KIAA1958: variants seen among roughly 807,000 people sequenced by gnomAD.
KIAA1958 encodes the protein KIAA1958, also known as uncharacterized protein KIAA1958.
Under a neutral mutation model 47.2 loss-of-function variants are expected in KIAA1958, and 14 were observed. The observed-to-expected ratio is 0.30, with a 90% CI of 0.20 to 0.46. The LOEUF is 0.46. Ranked by LOEUF, KIAA1958 falls within the 20% of genes least tolerant of loss-of-function variation. KIAA1958 has a pLI of 1.00. For missense variants in KIAA1958, 803 were observed against 909.2 expected (o/e 0.88, Z 1.50); for synonymous variants, 354 against 353.3 (o/e 1.00, Z -0.02).
intron 1 of KIAA1958, among the ~76,000 whole-genome samples, chr9:112,491,787 C>T (rs976694979): frequency 2.0e-5 from 3 of 152,026 alleles, no homozygotes; most frequent in Non-Finnish European, 2.9e-5. Context: ...TTAGATGATT[C>T]ATTTACTCTT....
At chr9:112,638,418 C>A (rs146775572) in intron 2 of KIAA1958, among the ~76,000 whole-genome samples, 1,787 of 152,038 alleles carry the variant, frequency 0.012, 29 homozygotes, top group African/African-American at 0.041. Flanking sequence ...AGGAAGATCT[C>A]TTGAACCCAG....
At position 112,574,932 on chromosome 9, in the gene KIAA1958, T is replaced by C; in HGVS notation, c.852T>C (p.Thr284=). Residue 284 remains threonine (T), a synonymous_variant, in exon 2 of 4, where the codon ACT becomes ACC. Transcript: ENST00000337530. ...TCTCCAGACCAATTGTCCAGAAGACTGCTAGGGTATCTCTGGCTTCACCAA... is the reference window on the plus strand; with the variant it reads ...TCTCCAGACCAATTGTCCAGAAGACCGCTAGGGTATCTCTGGCTTCACCAA... The part of the protein sequence containing the change: ...SVISRPIVQK[T]ARVSLASPNR... 2 of 1,614,064 alleles carry C rather than the reference T, an allele frequency of 1.2e-6. No individual in the cohort carries two copies. Among genetic ancestry groups the C allele is most frequent in the Non-Finnish European group, 1.7e-6 (2 of 1,179,988 alleles).
intron 1 of KIAA1958, among the ~76,000 whole-genome samples, chr9:112,536,542 A>G (rs1834858272): frequency 2.0e-5 from 3 of 152,216 alleles, no homozygotes; most frequent in Admixed American, 2.0e-4. Flanking sequence ...CCAATAGTAC[A>G]GAAAGTCCAG....
chr9:112,652,155 C>T (rs10759580), intron 3 of KIAA1958, among the ~76,000 whole-genome samples: 27,496 of 151,988 alleles, frequency 0.18, 2,850 homozygotes, highest in East Asian at 0.4. Context: ...AGTGAGCCAC[C>T]GTGCCCAGCC....
chr9:112,521,736 A>T (rs950060936), intron 1 of KIAA1958, among the ~76,000 whole-genome samples: 43 of 152,222 alleles, frequency 2.8e-4, no homozygotes, highest in African/African-American at 8.7e-4. Flanking sequence ...GAAAAAATAC[A>T]TATTCAGGTT....
intron 2 of KIAA1958, among the ~76,000 whole-genome samples, chr9:112,619,534 T>C (rs1281659408): frequency 6.6e-6 from 1 of 152,300 alleles, no homozygotes; most frequent in East Asian, 1.9e-4. Flanking sequence ...ATCTAGATGT[T>C]TAGCTAACAT....
chr9:112,570,853 C>T (rs898732204), intron 1 of KIAA1958, among the ~76,000 whole-genome samples: 1 of 152,172 alleles, frequency 6.6e-6, no homozygotes, highest in African/African-American at 2.4e-5. Flanking sequence ...GTGGTTCAGT[C>T]CAAATCCAAA....
chr9:112,607,146 CAG>C (rs1047604202), intron 2 of KIAA1958, among the ~76,000 whole-genome samples: 1 of 152,034 alleles, frequency 6.6e-6, no homozygotes, highest in African/African-American at 2.4e-5. Context: ...CACCTGAGGT[CAG>C]GGGTTCCAGA....
At chr9:112,635,930 G>A (rs944668840) in intron 2 of KIAA1958, among the ~76,000 whole-genome samples, 3 of 150,974 alleles carry the variant, frequency 2.0e-5, no homozygotes, top group African/African-American at 7.3e-5. Flanking sequence ...AAATTTCTTG[G>A]TACAGTTGAT....
At chr9:112,650,509 A>C (rs963330343) in intron 3 of KIAA1958, among the ~76,000 whole-genome samples, 1 of 152,176 alleles carries the variant, frequency 6.6e-6, no homozygotes, top group African/African-American at 2.4e-5. Context: ...GACTGTGATA[A>C]GTTAAAGATA....
intron 2 of KIAA1958, among the ~76,000 whole-genome samples, chr9:112,585,605 C>T (rs576298744): frequency 6.6e-6 from 1 of 152,224 alleles, no homozygotes; most frequent in South Asian, 2.1e-4. Context: ...GACAGGAGGG[C>T]TGTTTTATAG....
chr9:112,536,251 G>T (rs911234757), intron 1 of KIAA1958, among the ~76,000 whole-genome samples: 2 of 152,168 alleles, frequency 1.3e-5, no homozygotes, highest in African/African-American at 4.8e-5. Context: ...TTTAGAAACA[G>T]TACAAGACCC....
At chr9:112,629,587 ATT>A (rs1203125545) in intron 2 of KIAA1958, among the ~76,000 whole-genome samples, 1 of 152,062 alleles carries the variant, frequency 6.6e-6, no homozygotes, top group African/African-American at 2.4e-5. Flanking sequence ...TCTCATCTTT[ATT>A]TTGCTGCTCA....
intron 1 of KIAA1958, among the ~76,000 whole-genome samples, chr9:112,533,185 T>C (rs1427801540): frequency 1.3e-5 from 2 of 152,144 alleles, no homozygotes; most frequent in African/African-American, 2.4e-5. Context: ...AGTATTCTTA[T>C]ATATATAAAG....
chr9:112,659,323 G>A lies in KIAA1958; in HGVS notation c.1405G>A (p.Asp469Asn), dbSNP rs747183451. ...CTTTTATGTCACCGTCAAGAAGAGC[G>A]ACGGCTCGGACTTCCTGGCCACCTC... is the stretch of plus-strand genomic sequence containing the variant. ...ENFYVTVKKSDGSDFLATSLH... is the reference protein window; with the variant it reads ...ENFYVTVKKSNGSDFLATSLH... The change falls in exon 4 of 4, where the codon GAC becomes AAC. Residue 469 changes from aspartate to asparagine, a missense_variant. Around this residue, in one of 2 missense-constraint regions of KIAA1958, gnomAD observed 761 missense variants for 829.3 expected, o/e 0.92. Coordinates refer to ENST00000337530, the MANE Select transcript of KIAA1958 (RefSeq NM_133465.4). The A allele has an allele frequency of 1.4e-5, 23 of 1,614,052 alleles. No individual in the cohort carries two copies. The highest frequency in any genetic ancestry group is 1.7e-5 in the Non-Finnish European group (20 of 1,180,026).
intron 1 of KIAA1958, among the ~76,000 whole-genome samples, chr9:112,540,023 G>T (rs1324034739): frequency 6.6e-6 from 1 of 152,130 alleles, no homozygotes; most frequent in Non-Finnish European, 1.5e-5. Context: ...TGTGAAATAT[G>T]TTTTAATGAA....
intron 2 of KIAA1958, among the ~76,000 whole-genome samples, chr9:112,603,352 T>C (rs1407631259): frequency 6.6e-6 from 1 of 152,166 alleles, no homozygotes; most frequent in Non-Finnish European, 1.5e-5. Flanking sequence ...TCTAGCTTTA[T>C]TCCCCTACCC....
intron 2 of KIAA1958, among the ~76,000 whole-genome samples, chr9:112,636,121 C>T (rs1836801408): frequency 6.8e-6 from 1 of 147,222 alleles, no homozygotes; most frequent in South Asian, 2.1e-4. Flanking sequence ...TATATATATA[C>T]TATACATATA....
intron 1 of KIAA1958, among the ~76,000 whole-genome samples, chr9:112,522,453 T>G (rs2132797604): frequency 6.6e-6 from 1 of 152,352 alleles, no homozygotes; most frequent in South Asian, 2.1e-4. Flanking sequence ...CTGGGCCTGC[T>G]TTCCTTTCAC....
Sources: allele counts gnomAD v4.1 joint callset (sites outside exome capture counted in the v4.1 genomes callset), GRCh38; gene constraint gnomAD v4.1.1; regional missense constraint gnomAD v4.1.1; transcripts MANE v1.5; gene names NCBI Gene and HGNC (gene_info 2026-07-23, HGNC 2026-07-21).